Variants in ANK2 observed in about 807,000 individuals in gnomAD.
ANK2 encodes the protein ankyrin 2.
Under a neutral mutation model 360.5 loss-of-function variants are expected in ANK2, and 83 were observed. The ratio of observed to expected loss-of-function variants is 0.23; its 90% confidence interval spans 0.19 to 0.28. The LOEUF is 0.28. Ranked by LOEUF, ANK2 falls within the 10% of genes least tolerant of loss-of-function variation. The pLI, the probability that ANK2 is intolerant of heterozygous loss-of-function variation, is 1.00. For synonymous variants in ANK2, 1,740 were observed against 1,759.5 expected, an observed-to-expected ratio of 0.99 and a Z score of 0.28; for missense variants, 4,201 against 4,795.7, an observed-to-expected ratio of 0.88 and a Z score of 3.66.
At chr4:112,708,784 A>T in the ANK2 span, among the ~76,000 whole-genome samples, 1 of 152,168 alleles carries the variant, frequency 6.6e-6, no homozygotes, top group African/African-American at 2.4e-5. Flanking sequence ...AATAATACCT[A>T]ATTTGTATGT....
chr4:113,336,541 C>A, intron 30 of ANK2, 36 bp from the exon 31 acceptor site: 1 of 1,515,902 alleles, frequency 6.6e-7, no homozygotes, highest in Non-Finnish European at 9.0e-7. Flanking sequence ...AAAATATATA[C>A]ACAAATATAT....
chr4:112,800,524 G>C, the ANK2 span, among the ~76,000 whole-genome samples: 1 of 152,164 alleles, frequency 6.6e-6, no homozygotes. Flanking sequence ...TGCATGTAAT[G>C]AATTAACTTC....
chr4:112,838,436 A>G lies in ANK2; in HGVS notation c.-40+20172A>G, dbSNP rs77948338. On this transcript the variant is annotated intron_variant, in intron 1 of 30. Transcript: ENST00000503271. ...AATGCCTGCTTTTCAGGCAGTCCCAATCTGGAAAGGCTCAGATGGAATGCA... is the reference window on the plus strand; with the variant it reads ...AATGCCTGCTTTTCAGGCAGTCCCAGTCTGGAAAGGCTCAGATGGAATGCA... Among the ~76,000 whole-genome samples the G allele has an allele frequency of 6.6e-3, 1,004 of 152,346 alleles. 13 individuals are homozygous for G. The highest frequency in any genetic ancestry group is 0.022 in the African/African-American group (929 of 41,586).
chr4:112,774,066 T>C, the ANK2 span, among the ~76,000 whole-genome samples: 1 of 151,886 alleles, frequency 6.6e-6, no homozygotes, highest in Admixed American at 6.6e-5. Context: ...CCCAAAGTAC[T>C]AGGATTACAG....
chr4:113,381,761 C>A lies in ANK2; in HGVS notation c.*290C>A. On this transcript the variant is annotated 3_prime_UTR_variant, in exon 46 of 46. Coordinates refer to ENST00000357077, the MANE Select transcript of ANK2 (RefSeq NM_001148.6). ...GATACCCCGACATTTCCACTGTTAG[C>A]AAATATACGGCATTTTGCTTTAGTT... 1 of 1,064,476 alleles carries A rather than the reference C, an allele frequency of 9.4e-7. No homozygotes were observed. The highest frequency in any genetic ancestry group is 1.3e-6 in the Non-Finnish European group (1 of 749,218). 65.9% of individuals were successfully genotyped at this position (1,064,476 alleles called of 1,614,324 possible).
intron 36 of ANK2, among the ~76,000 whole-genome samples, 158 bp downstream of exon 36, chr4:113,348,466 C>T (rs1412140097): frequency 6.6e-6 from 1 of 152,108 alleles, no homozygotes; most frequent in Non-Finnish European, 1.5e-5. Flanking sequence ...TCTGTTTTCT[C>T]ATCTTGTGGA....
At chr4:113,179,859 C>G (rs183552315) in intron 2 of ANK2, among the ~76,000 whole-genome samples, 17 of 152,294 alleles carry the variant, frequency 1.1e-4, no homozygotes, top group African/African-American at 3.8e-4. Context: ...AAAGTTTCAT[C>G]ATGTATACAA....
At chr4:113,339,147 A>G in intron 31 of ANK2, 79 bp from the exon 32 acceptor site, 1 of 1,253,178 alleles carries the variant, frequency 8.0e-7, no homozygotes, top group Non-Finnish European at 1.2e-6. Flanking sequence ...GCTTGTGAAC[A>G]CAGAACCACA....
chr4:113,004,160 A>G (rs1223802704), intron 2 of ANK2, among the ~76,000 whole-genome samples: 2 of 152,168 alleles, frequency 1.3e-5, no homozygotes, highest in Non-Finnish European at 2.9e-5. Flanking sequence ...GCTACACTAC[A>G]TTTATATTGA....
the ANK2 span, among the ~76,000 whole-genome samples, chr4:112,719,733 A>G: frequency 6.6e-6 from 1 of 151,976 alleles, no homozygotes; most frequent in African/African-American, 2.4e-5. Context: ...ACTCAAAAAA[A>G]AAAAAAAAAG....
chr4:113,014,636 A>G (rs567118312), intron 2 of ANK2, among the ~76,000 whole-genome samples: 1 of 152,108 alleles, frequency 6.6e-6, no homozygotes, highest in South Asian at 2.1e-4. Flanking sequence ...GCTGGCCCAG[A>G]ATCTTTTTTT....
At chr4:112,802,940 G>T in the ANK2 span, among the ~76,000 whole-genome samples, 756 of 152,198 alleles carry the variant, frequency 5.0e-3, 7 homozygotes, top group African/African-American at 0.017. Flanking sequence ...CTCTTATCAA[G>T]ACTGATGCTC....
In ANK2 at chr4:113,192,386, A is replaced by G. The variant is rs143394405; in HGVS notation, c.187-3982A>G. 2.6e-5 allele frequency among the ~76,000 whole-genome samples: 4 copies of G among 152,284 alleles called. No individual in the cohort carries two copies. The East Asian group carries it at 7.7e-4, about 29-fold the overall frequency. On this transcript the variant is annotated intron_variant, in intron 2 of 45. Transcript: ENST00000357077. ...AGACGTGTGTATAAAAAGTTTCACC[A>G]AAACCCCTCAAAATCAACAGAGTCC...
At chr4:113,266,969 T>C (rs1184945857) in intron 14 of ANK2, among the ~76,000 whole-genome samples, 1 of 152,234 alleles carries the variant, frequency 6.6e-6, no homozygotes, top group Non-Finnish European at 1.5e-5. Flanking sequence ...TCATATCTCA[T>C]TGTGGTTTTG....
intron 2 of ANK2, among the ~76,000 whole-genome samples, chr4:112,923,956 A>G (rs913697622): frequency 6.6e-6 from 1 of 152,210 alleles, no homozygotes; most frequent in Non-Finnish European, 1.5e-5. Context: ...ATAATTCTAT[A>G]AGTCTCAGTG....
At chr4:112,989,599 G>A (rs959544727) in intron 2 of ANK2, among the ~76,000 whole-genome samples, 6 of 152,170 alleles carry the variant, frequency 3.9e-5, no homozygotes, top group African/African-American at 1.2e-4. Flanking sequence ...ACAACACAGT[G>A]GGGCAAATTT....
At chr4:113,057,149 C>T (rs2070457520) in intron 1 of ANK2, among the ~76,000 whole-genome samples, 1 of 152,088 alleles carries the variant, frequency 6.6e-6, no homozygotes, top group Admixed American at 6.6e-5. Flanking sequence ...ATAATCTGAG[C>T]AGACATTTCT....
upstream of ANK2, among the ~76,000 whole-genome samples, chr4:112,814,224 A>T (rs762661174): frequency 1.1e-4 from 17 of 152,178 alleles, no homozygotes; most frequent in Admixed American, 2.6e-4. Context: ...TCATTTTCTT[A>T]TAGTCTTTCC....
At chr4:112,903,389 A>T (rs992304419) in intron 1 of ANK2, among the ~76,000 whole-genome samples, 6 of 152,166 alleles carry the variant, frequency 3.9e-5, no homozygotes, top group African/African-American at 1.4e-4. Flanking sequence ...CTGAAAAAGC[A>T]CCCTTAGTGA....
Sources: gnomAD v4.1 joint callset for allele counts (sites outside exome capture counted in the v4.1 genomes callset) on GRCh38, gnomAD v4.1.1 for gene constraint, MANE v1.5 for transcripts, NCBI Gene and HGNC (gene_info 2026-07-23, HGNC 2026-07-21) for gene names.